C8A: variants seen among roughly 807,000 people sequenced by gnomAD.
The protein encoded by C8A is complement C8 alpha chain, also known as complement component C8 alpha chain.
C8A carries 67 observed loss-of-function variants against 65.3 expected under a neutral mutation model. The observed-to-expected ratio is 1.03, with a 90% confidence interval of 0.84 to 1.26. The LOEUF (loss-of-function observed/expected upper bound fraction) is 1.26, where lower values mean the gene tolerates loss of function less well. Ranked by LOEUF, C8A falls within the 50% of genes most tolerant of loss-of-function variation. The pLI is 0.00. For missense variants in C8A, 781 were observed against 723.9 expected (o/e 1.08, Z -0.90); for synonymous variants, 290 against 259.4 (o/e 1.12, Z -1.13).
rs773507337 is a variant in C8A at position 56,876,065 on chromosome 1, G to A, written c.320G>A (p.Arg107His). 5.6e-6 allele frequency: 9 copies of A among 1,613,446 alleles called. No homozygotes were observed. The highest frequency in any genetic ancestry group is 4.5e-5 in the East Asian group (2 of 44,740). The change falls in exon 4 of 11, where the codon CGC (arginine) becomes CAC (histidine). Residue 107 changes from arginine (R) to histidine (H), a missense_variant. Transcript: ENST00000361249. ...GQDFQCKETG[R>H]CLKRHLVCNG... is the part of the protein sequence containing the mutation. The stretch of plus-strand genomic sequence containing the variant: ...AGCCACAGTCTCTTCTCTCCAGGTC[G>A]CTGCCTGAAACGCCACCTTGTGTGT...
At chr1:56,855,288 T>C (rs1176369133) in intron 1 of C8A, among the ~76,000 whole-genome samples, 3 of 152,192 alleles carry the variant, frequency 2.0e-5, no homozygotes, top group Non-Finnish European at 2.9e-5. Flanking sequence ...TAAGAGTTAA[T>C]GTAGATAAAA....
rs182518760 is a variant in C8A at position 56,856,861 on chromosome 1, G to A, written c.77+1883G>A. On this transcript the variant is annotated intron_variant, in intron 1 of 10. Transcript: ENST00000361249. ...GCTTATTATAAAATCTTAAAAATGT[G>A]TTATTTGAGAAAAACATTTTAAAAC... Among the ~76,000 whole-genome samples, 665 of 150,998 alleles carry A rather than the reference G, an allele frequency of 4.4e-3. 6 individuals are homozygous for A. The highest frequency in any genetic ancestry group is 0.016 in the African/African-American group (638 of 41,128).
intron 9 of C8A, among the ~76,000 whole-genome samples, chr1:56,910,180 T>G (rs1240007401): frequency 1.3e-5 from 2 of 152,186 alleles, no homozygotes; most frequent in African/African-American, 4.8e-5. Context: ...AGTTCAGCAG[T>G]GCTTATTTAT....
intron 9 of C8A, among the ~76,000 whole-genome samples, 162 bp from the exon 10 acceptor site, chr1:56,912,241 T>A (rs1273263891): frequency 6.6e-6 from 1 of 152,186 alleles, no homozygotes; most frequent in Non-Finnish European, 1.5e-5. Flanking sequence ...AATACCTATG[T>A]CACAGAATGG....
intron 7 of C8A, among the ~76,000 whole-genome samples, chr1:56,897,327 G>T (rs1363196482): frequency 6.6e-6 from 1 of 152,204 alleles, no homozygotes; most frequent in African/African-American, 2.4e-5. Flanking sequence ...AACAAGCAGA[G>T]TGTGCTGGCT....
At chr1:56,915,149 G>C (rs1240807928) in intron 10 of C8A, among the ~76,000 whole-genome samples, 1 of 152,198 alleles carries the variant, frequency 6.6e-6, no homozygotes, top group Admixed American at 6.5e-5. Context: ...TGTTTCATTG[G>C]TAGAGAATTG....
chr1:56,885,301 TA>T (rs1557705385), intron 6 of C8A, among the ~76,000 whole-genome samples: 2 of 129,592 alleles, frequency 1.5e-5, no homozygotes, highest in East Asian at 4.1e-4. Context: ...TATATATTTA[TA>T]TATATTTACA....
intron 1 of C8A, among the ~76,000 whole-genome samples, chr1:56,859,779 A>AT (rs1437907568): frequency 6.6e-6 from 1 of 152,152 alleles, no homozygotes; most frequent in African/African-American, 2.4e-5. Context: ...TATCTTAAAA[A>AT]TTGTGGGTGC....
chr1:56,878,212 A>T (rs955859196), intron 4 of C8A, among the ~76,000 whole-genome samples: 1 of 151,970 alleles, frequency 6.6e-6, no homozygotes, highest in Non-Finnish European at 1.5e-5. Flanking sequence ...CACCATAATG[A>T]CCTCATTGCA....
intron 1 of C8A, among the ~76,000 whole-genome samples, chr1:56,864,811 C>T (rs1557696902): frequency 1.3e-5 from 2 of 152,096 alleles, no homozygotes; most frequent in Non-Finnish European, 2.9e-5. Context: ...GTTCTTTAGA[C>T]CCCAGAAAGT....
chr1:56,866,215 G>T (rs1644087151), intron 1 of C8A, among the ~76,000 whole-genome samples: 1 of 152,164 alleles, frequency 6.6e-6, no homozygotes, highest in South Asian at 2.1e-4. Flanking sequence ...TGAAGAAGCA[G>T]AAATAAGATT....
intron 7 of C8A, among the ~76,000 whole-genome samples, chr1:56,904,744 G>A (rs928032691): frequency 6.6e-6 from 1 of 152,154 alleles, no homozygotes; most frequent in African/African-American, 2.4e-5. Context: ...TGGGCTCTCA[G>A]GTTCTATGAT....
At chr1:56,883,410 T>G (rs749930513) in intron 5 of C8A, 71 bp from the exon 6 acceptor site, 2 of 1,339,364 alleles carry the variant, frequency 1.5e-6, no homozygotes, top group East Asian at 2.3e-5. Context: ...AAGCAAAGAT[T>G]TAAGTATTAA....
rs767175299 is a variant in C8A at position 56,917,672 on chromosome 1, G to A, written c.1711G>A (p.Gly571Arg). The A allele has an allele frequency of 3.1e-6, 5 of 1,614,092 alleles. No individual in the cohort carries two copies. The highest frequency in any genetic ancestry group is 2.7e-5 in the African/African-American group (2 of 74,940). ...ECDNPAPQNG[G>R]ASCPGRKVQT... Reference sequence around the variant, plus strand: ...TGACAATCCAGCACCTCAGAATGGAGGGGCCTCGTGTCCAGGGCGGAAAGT... The same window carrying A: ...TGACAATCCAGCACCTCAGAATGGAAGGGCCTCGTGTCCAGGGCGGAAAGT... Residue 571 changes from glycine to arginine, a missense_variant, in exon 11 of 11, where the codon GGG (glycine) becomes AGG (arginine). By Grantham distance (125) the Gly-to-Arg change is moderately radical (BLOSUM62 -2). Coordinates refer to ENST00000361249, the MANE Select transcript of C8A (RefSeq NM_000562.3).
intron 4 of C8A, 149 bp downstream of exon 4, chr1:56,876,358 G>C (rs1253903690): frequency 1.1e-6 from 1 of 892,320 alleles, no homozygotes; most frequent in African/African-American, 1.6e-5. Flanking sequence ...GAGATGGCTT[G>C]TCCAGTCCTG....
intron 6 of C8A, 52 bp from the exon 7 acceptor site, chr1:56,885,875 A>G: frequency 1.2e-6 from 2 of 1,612,352 alleles, no homozygotes; most frequent in African/African-American, 2.7e-5. Flanking sequence ...TCTAATGGTA[A>G]AATATATGCT....
intron 7 of C8A, among the ~76,000 whole-genome samples, chr1:56,890,864 C>A (rs553887704): frequency 6.6e-6 from 1 of 152,196 alleles, no homozygotes; most frequent in South Asian, 2.1e-4. Flanking sequence ...TTATATCACC[C>A]TATTTTAATT....
intron 2 of C8A, among the ~76,000 whole-genome samples, chr1:56,869,600 A>C (rs754788867): frequency 6.6e-6 from 1 of 152,218 alleles, no homozygotes; most frequent in African/African-American, 2.4e-5. Context: ...ACTGTTTTCC[A>C]TAATGGTTGT....
intron 2 of C8A, among the ~76,000 whole-genome samples, chr1:56,868,390 C>T (rs1435607443): frequency 6.6e-6 from 1 of 151,648 alleles, no homozygotes; most frequent in Admixed American, 6.6e-5. Flanking sequence ...AAGAGGATTA[C>T]TTGAGCCCAG....
Sources: gnomAD v4.1 joint callset for allele counts (sites outside exome capture counted in the v4.1 genomes callset) on GRCh38, gnomAD v4.1.1 for gene constraint, MANE v1.5 for transcripts, NCBI Gene and HGNC (gene_info 2026-07-23, HGNC 2026-07-21) for gene names.